The following SPOCK1 variants were observed in gnomAD, a reference collection of about 807,000 sequenced individuals.
The protein encoded by SPOCK1 is SPARC (osteonectin), cwcv and kazal like domains proteoglycan 1.
Under a neutral mutation model 55.3 loss-of-function variants are expected in SPOCK1, and 23 were observed. The ratio of observed to expected loss-of-function variants is 0.42; its 90% CI spans 0.30 to 0.59. The LOEUF is 0.59. Among genes scored for constraint, SPOCK1 ranks in the 20% least tolerant of loss-of-function variants. SPOCK1 has a pLI of 0.22. For missense variants in SPOCK1, 499 were observed against 552.5 expected, an observed-to-expected ratio of 0.90 and a Z score of 0.97; for synonymous variants, 226 against 221.0, an observed-to-expected ratio of 1.02 and a Z score of -0.20.
intron 2 of SPOCK1, among the ~76,000 whole-genome samples, chr5:137,453,243 A>G (rs928917677): frequency 4.6e-5 from 7 of 152,222 alleles, no homozygotes; most frequent in Non-Finnish European, 7.3e-5. Flanking sequence ...ATGGTACCAG[A>G]AGTACATCTC....
chr5:137,236,667 G>A (rs975878284), intron 3 of SPOCK1, among the ~76,000 whole-genome samples: 2 of 152,134 alleles, frequency 1.3e-5, no homozygotes, highest in African/African-American at 4.8e-5. Flanking sequence ...GGTCATATCT[G>A]ACCTGGATTG....
intron 3 of SPOCK1, among the ~76,000 whole-genome samples, chr5:137,246,406 C>T (rs1756395392): frequency 1.3e-5 from 2 of 152,114 alleles, no homozygotes; most frequent in East Asian, 1.9e-4. Flanking sequence ...ATAAAGTTGA[C>T]CTCCCTATAA....
At chr5:137,010,224 G>C (rs1045990030) in intron 6 of SPOCK1, among the ~76,000 whole-genome samples, 3 of 152,010 alleles carry the variant, frequency 2.0e-5, no homozygotes, top group African/African-American at 7.3e-5. Flanking sequence ...CCAAAAGTCG[G>C]CATCAATATA....
At chr5:137,082,515 C>T (rs1464614205) in intron 5 of SPOCK1, among the ~76,000 whole-genome samples, 4 of 152,136 alleles carry the variant, frequency 2.6e-5, no homozygotes, top group Non-Finnish European at 5.9e-5. Context: ...CGCAGGCATT[C>T]AGGGACAAGA....
chr5:137,453,448 T>A (rs1753297463), intron 2 of SPOCK1, among the ~76,000 whole-genome samples: 1 of 152,206 alleles, frequency 6.6e-6, no homozygotes, highest in Admixed American at 6.5e-5. Flanking sequence ...ATTCTTCCAA[T>A]GTCTAAGACC....
At chr5:137,066,987 C>CACAGAG (rs1343691789) in intron 6 of SPOCK1, among the ~76,000 whole-genome samples, 7 of 139,588 alleles carry the variant, frequency 5.0e-5, no homozygotes, top group African/African-American at 1.6e-4. Context: ...CACACACACA[C>CACAGAG]AGAGAGAGAG....
chr5:137,220,363 C>T, intron 3 of SPOCK1, among the ~76,000 whole-genome samples: 1 of 152,206 alleles, frequency 6.6e-6, no homozygotes, highest in Non-Finnish European at 1.5e-5. Flanking sequence ...CCCCAGGATG[C>T]ATTTTGAGTC....
chr5:137,109,849 C>T (rs1174342280), intron 5 of SPOCK1, among the ~76,000 whole-genome samples: 1 of 152,196 alleles, frequency 6.6e-6, no homozygotes, highest in Admixed American at 6.5e-5. Flanking sequence ...CTCTCCAACC[C>T]TCTCTTTCAG....
chr5:137,111,155 G>C (rs1329534575), intron 5 of SPOCK1, among the ~76,000 whole-genome samples: 3 of 152,058 alleles, frequency 2.0e-5, no homozygotes, highest in Admixed American at 1.3e-4. Flanking sequence ...TCGTGAGCCT[G>C]TGACATCTCC....
At chr5:137,005,362 G>A (rs539570046) in intron 6 of SPOCK1, among the ~76,000 whole-genome samples, 1 of 151,306 alleles carries the variant, frequency 6.6e-6, no homozygotes, top group Admixed American at 6.6e-5. Flanking sequence ...TTTTTAAAGT[G>A]AGTTACAAAA....
chr5:137,222,121 C>T (rs911500932), intron 3 of SPOCK1, among the ~76,000 whole-genome samples: 22 of 152,214 alleles, frequency 1.4e-4, no homozygotes, highest in African/African-American at 3.6e-4. Context: ...TATCATGTCA[C>T]ATACATACGC....
chr5:137,329,922 T>A (rs927568589), intron 2 of SPOCK1, among the ~76,000 whole-genome samples: 2 of 152,140 alleles, frequency 1.3e-5, no homozygotes, highest in African/African-American at 4.8e-5. Flanking sequence ...AGTTCCTGTC[T>A]CTCATTTACA....
intron 2 of SPOCK1, among the ~76,000 whole-genome samples, chr5:137,459,238 T>A (rs1205212552): frequency 6.6e-6 from 1 of 152,094 alleles, no homozygotes; most frequent in Non-Finnish European, 1.5e-5. Flanking sequence ...CATCCTCAAG[T>A]CTGAGACAAA....
At position 137,313,031 on chromosome 5, in the gene SPOCK1, G is replaced by A. The variant is rs533096432; in HGVS notation, c.187-45976C>T. On this transcript the variant is annotated intron_variant, in intron 2 of 10. Coordinates refer to ENST00000394945, the MANE Select transcript of SPOCK1 (RefSeq NM_004598.4). ...AGTATCCTGGGTTGCTGTCTTCCCCGTGCAGCTCCTACAGTAAAAGAAAGG... is the reference window on the plus strand; with the variant it reads ...AGTATCCTGGGTTGCTGTCTTCCCCATGCAGCTCCTACAGTAAAAGAAAGG... 2.1e-4 allele frequency among the ~76,000 whole-genome samples: 32 copies of A among 152,114 alleles called. 1 individual carries two copies. Among genetic ancestry groups the A allele is most frequent in the East Asian group, 3.9e-4 (2 of 5,184 alleles).
intron 6 of SPOCK1, among the ~76,000 whole-genome samples, chr5:137,030,585 T>C (rs1056126977): frequency 1.3e-5 from 2 of 151,052 alleles, no homozygotes; most frequent in African/African-American, 2.5e-5. Context: ...AAAAATTCTG[T>C]GTCTTTTTAA....
chr5:137,488,169 G>A lies in SPOCK1; in HGVS notation c.186+10204C>T, dbSNP rs1217299203. 2.6e-5 allele frequency among the ~76,000 whole-genome samples: 4 copies of A among 152,220 alleles called. No individual in the cohort carries two copies. The East Asian group carries it at 7.7e-4, about 29-fold the overall frequency. On this transcript the variant is annotated intron_variant, in intron 2 of 10. Coordinates refer to ENST00000394945, the MANE Select transcript of SPOCK1 (RefSeq NM_004598.4). Reference sequence around the variant, plus strand: ...AGGTGGGCGGATCACTTGAGGTCAGGAGTTTGAGACCAGCCTGGCCAATGC... The same window carrying A: ...AGGTGGGCGGATCACTTGAGGTCAGAAGTTTGAGACCAGCCTGGCCAATGC...
chr5:137,262,558 C>T (rs573342341), intron 3 of SPOCK1, among the ~76,000 whole-genome samples: 1 of 152,346 alleles, frequency 6.6e-6, no homozygotes, highest in Admixed American at 6.5e-5. Flanking sequence ...CAAGAGACGT[C>T]TTCCTTAGTG....
chr5:137,318,374 A>G (rs926768591), intron 2 of SPOCK1, among the ~76,000 whole-genome samples: 1 of 152,216 alleles, frequency 6.6e-6, no homozygotes, highest in Non-Finnish European at 1.5e-5. Flanking sequence ...TCCTTAAATA[A>G]TAAAAAAAGC....
At chr5:137,185,781 C>A (rs759879108) in intron 3 of SPOCK1, among the ~76,000 whole-genome samples, 5 of 152,068 alleles carry the variant, frequency 3.3e-5, no homozygotes, top group Non-Finnish European at 4.4e-5. Context: ...GAGGCCCCTG[C>A]AGGACCACAG....
Sources: gnomAD v4.1 joint callset for allele counts (sites outside exome capture counted in the v4.1 genomes callset) on GRCh38, gnomAD v4.1.1 for gene constraint, MANE v1.5 for transcripts, NCBI Gene and HGNC (gene_info 2026-07-23, HGNC 2026-07-21) for gene names.